Variants in MYO1D observed in about 807,000 individuals in gnomAD.
MYO1D encodes the protein unconventional myosin-Id.
A neutral mutation model predicts 122.0 loss-of-function variants in MYO1D; 83 were observed. The ratio of observed to expected loss-of-function variants is 0.68; its 90% CI spans 0.57 to 0.82. The LOEUF is 0.82. Among genes scored for constraint, MYO1D ranks in the 40% least tolerant of loss-of-function variants. The pLI, the probability that MYO1D is intolerant of heterozygous loss-of-function variation, is 0.00. For synonymous variants in MYO1D, 464 were observed against 446.9 expected (o/e 1.04, Z -0.48); for missense variants, 1,157 against 1,269.5 (o/e 0.91, Z 1.35).
chr17:32,580,645 G>A (rs1194315072), intron 21 of MYO1D, among the ~76,000 whole-genome samples: 9 of 152,010 alleles, frequency 5.9e-5, no homozygotes, highest in Middle Eastern at 3.4e-3. Flanking sequence ...TCCTGACCTC[G>A]TGATCTGCCT....
chr17:32,701,570 A>G (rs927989063), intron 16 of MYO1D, among the ~76,000 whole-genome samples: 2 of 150,878 alleles, frequency 1.3e-5, no homozygotes, highest in African/African-American at 2.4e-5. Context: ...AATTTATTTC[A>G]TTTTTTTTTA....
intron 16 of MYO1D, among the ~76,000 whole-genome samples, chr17:32,679,803 G>C (rs4441326): frequency 1.1e-4 from 16 of 150,092 alleles, no homozygotes; most frequent in Admixed American, 9.9e-4. Context: ...GAAGAAAGTC[G>C]TTGGTAGCTT....
At chr17:32,605,956 C>T (rs753427753) in intron 20 of MYO1D, among the ~76,000 whole-genome samples, 3 of 151,566 alleles carry the variant, frequency 2.0e-5, no homozygotes, top group South Asian at 2.1e-4. Context: ...AAACATTAGC[C>T]GGGCATGGAG....
At chr17:32,754,870 C>T (rs1717337422) in intron 11 of MYO1D, among the ~76,000 whole-genome samples, 1 of 152,118 alleles carries the variant, frequency 6.6e-6, no homozygotes, top group Admixed American at 6.5e-5. Flanking sequence ...ATGTCCATAT[C>T]AGCACAAAGG....
Position 32,639,363 on chromosome 17 carries a change from T to TGTGTGTGTGTGTGTG in MYO1D, c.2596-529_2596-528insCACACACACACACAC, listed in dbSNP as rs1567923149. ...CTAGATTATGAGATTGGGAGAAATTTTGTGTGTGTGTGTGTGTGTGTGTGT... is the reference window on the plus strand; with the variant it reads ...CTAGATTATGAGATTGGGAGAAATTTGTGTGTGTGTGTGTGTGTGTGTGTGTGTGTGTGTGTGTGT... On this transcript the variant is annotated intron_variant, in intron 19 of 21. Transcript: ENST00000318217. Among the ~76,000 whole-genome samples, 11 of 128,268 alleles carry TGTGTGTGTGTGTGTG rather than the reference T, an allele frequency of 8.6e-5. 1 individual carries two copies. Among genetic ancestry groups the TGTGTGTGTGTGTGTG allele is most frequent in the African/African-American group, 3.2e-4 (10 of 31,308 alleles). 84.1% of individuals were successfully genotyped at this position (128,268 alleles called of 152,430 possible). A position where few individuals can be genotyped will look rare whatever the true frequency, so the allele number is the denominator to read the frequency against.
Position 32,772,860 on chromosome 17 carries a change from A to G in MYO1D, c.565-18T>C. 6.2e-7 allele frequency: 1 copy of G among 1,609,748 alleles called. No individual in the cohort carries two copies. The highest frequency in any genetic ancestry group is 1.1e-5 in the South Asian group (1 of 90,972). Reference sequence around the variant, plus strand: ...ACTCGAGACTAAGAAAAAACACATTAAAATGGTTAACCCGAAAATGTGCCC... The same window carrying G: ...ACTCGAGACTAAGAAAAAACACATTGAAATGGTTAACCCGAAAATGTGCCC... On this transcript the variant is annotated intron_variant, in intron 4 of 21. Coordinates refer to ENST00000318217, the MANE Select transcript of MYO1D (RefSeq NM_015194.3).
At chr17:32,841,243 G>A (rs969509848) in intron 1 of MYO1D, among the ~76,000 whole-genome samples, 61 of 152,266 alleles carry the variant, frequency 4.0e-4, no homozygotes, top group African/African-American at 1.3e-3. Context: ...TAGGCAGACA[G>A]ATGACTTGAG....
At chr17:32,803,682 A>C (rs951263003) in intron 1 of MYO1D, among the ~76,000 whole-genome samples, 1 of 152,200 alleles carries the variant, frequency 6.6e-6, no homozygotes, top group African/African-American at 2.4e-5. Flanking sequence ...ACTTTGCAAA[A>C]CAATGAAAAA....
chr17:32,661,256 A>T (rs2088560692), intron 16 of MYO1D, among the ~76,000 whole-genome samples: 1 of 152,220 alleles, frequency 6.6e-6, no homozygotes, highest in Non-Finnish European at 1.5e-5. Flanking sequence ...ATATAAAAAA[A>T]CACACTAGCC....
intron 14 of MYO1D, among the ~76,000 whole-genome samples, chr17:32,728,513 AT>A (rs1457008627): frequency 6.6e-6 from 1 of 152,132 alleles, no homozygotes; most frequent in Non-Finnish European, 1.5e-5. Flanking sequence ...GCTGCAAATT[AT>A]TTTTTAAAGA....
At chr17:32,682,607 C>T (rs2088937341) in intron 16 of MYO1D, among the ~76,000 whole-genome samples, 1 of 147,684 alleles carries the variant, frequency 6.8e-6, no homozygotes, top group African/African-American at 2.6e-5. Context: ...TGTAGGGTTT[C>T]TGCCGAGAGA....
intron 16 of MYO1D, among the ~76,000 whole-genome samples, chr17:32,686,809 T>C (rs1567949040): frequency 6.6e-6 from 1 of 152,042 alleles, no homozygotes; most frequent in Non-Finnish European, 1.5e-5. Context: ...GAGGCTGCAG[T>C]GAGCCATAAT....
intron 21 of MYO1D, among the ~76,000 whole-genome samples, chr17:32,565,573 T>G (rs2087165593): frequency 6.6e-6 from 1 of 152,212 alleles, no homozygotes; most frequent in Non-Finnish European, 1.5e-5. Flanking sequence ...ACATAATTGC[T>G]AAGTAGGCTG....
At chr17:32,572,649 C>T (rs904243075) in intron 21 of MYO1D, among the ~76,000 whole-genome samples, 9 of 152,116 alleles carry the variant, frequency 5.9e-5, no homozygotes, top group South Asian at 4.1e-4. Flanking sequence ...TCATTATCCA[C>T]GAGGCCTTCA....
At chr17:32,776,457 A>C (rs1167325002) in intron 3 of MYO1D, among the ~76,000 whole-genome samples, 3 of 152,214 alleles carry the variant, frequency 2.0e-5, no homozygotes, top group Admixed American at 2.0e-4. Flanking sequence ...TCTAGACAGG[A>C]GACTGATGGA....
chr17:32,525,929 C>T (rs1910325673), intron 21 of MYO1D, among the ~76,000 whole-genome samples: 1 of 152,178 alleles, frequency 6.6e-6, no homozygotes, highest in Admixed American at 6.5e-5. Flanking sequence ...TCTCCTAGTT[C>T]ACCCTCATAC....
At chr17:32,530,865 C>T (rs143245833) in intron 21 of MYO1D, among the ~76,000 whole-genome samples, 1 of 152,068 alleles carries the variant, frequency 6.6e-6, no homozygotes, top group East Asian at 1.9e-4. Context: ...ACATTGGTTT[C>T]TGTCTGCTCC....
intron 16 of MYO1D, among the ~76,000 whole-genome samples, chr17:32,673,636 C>T (rs939394678): frequency 1.3e-5 from 2 of 152,186 alleles, no homozygotes; most frequent in African/African-American, 2.4e-5. Context: ...AGGCTAATGC[C>T]TGTATTCCCA....
Position 32,706,759 on chromosome 17 carries a change from C to T in MYO1D, c.2121+5229G>A, listed in dbSNP as rs368298021. Among the ~76,000 whole-genome samples the T allele has an allele frequency of 1.4e-3, 211 of 152,156 alleles. 1 individual carries two copies. The highest frequency in any genetic ancestry group is 0.014 in the South Asian group (66 of 4,820). On this transcript the variant is annotated intron_variant, in intron 16 of 21. Coordinates refer to ENST00000318217, the MANE Select transcript of MYO1D (RefSeq NM_015194.3). ...TTGCCCAGGCTGGAGTGTAGTGGCGCGATCTCAGCTCACTGCAAGCTCCGC... is the reference window on the plus strand; with the variant it reads ...TTGCCCAGGCTGGAGTGTAGTGGCGTGATCTCAGCTCACTGCAAGCTCCGC...
Sources: gnomAD v4.1 joint callset for allele counts (sites outside exome capture counted in the v4.1 genomes callset) on GRCh38, gnomAD v4.1.1 for gene constraint, MANE v1.5 for transcripts, NCBI Gene and HGNC (gene_info 2026-07-23, HGNC 2026-07-21) for gene names.